SIK3: variants seen among roughly 807,000 people sequenced by gnomAD.
SIK3 encodes the protein SIK family kinase 3, also known as serine/threonine-protein kinase SIK3.
SIK3 carries 28 observed loss-of-function variants against 144.2 expected under a neutral mutation model. The ratio of observed to expected loss-of-function variants is 0.19; its 90% confidence interval spans 0.14 to 0.27. The LOEUF is 0.27. Ranked by LOEUF, SIK3 falls within the 10% of genes least tolerant of loss-of-function variation. SIK3 has a pLI of 1.00. For synonymous variants in SIK3, 686 were observed against 676.3 expected (o/e 1.01, Z -0.22); for missense variants, 1,319 against 1,776.0 (o/e 0.74, Z 4.62).
chr11:117,037,516 G>C (rs149103062), intron 1 of SIK3, among the ~76,000 whole-genome samples: 62 of 152,290 alleles, frequency 4.1e-4, no homozygotes, highest in Middle Eastern at 3.4e-3. Context: ...GAATAGCTGA[G>C]AAAGCTTCAC....
chr11:116,940,451 G>A (rs1948227064), intron 3 of SIK3, among the ~76,000 whole-genome samples: 1 of 151,948 alleles, frequency 6.6e-6, no homozygotes, highest in South Asian at 2.1e-4. Flanking sequence ...GGCTGGTCTT[G>A]AACTCCTGAT....
chr11:117,004,538 G>GTTATTTA (rs1042929682), intron 1 of SIK3, among the ~76,000 whole-genome samples: 3 of 151,940 alleles, frequency 2.0e-5, no homozygotes, highest in African/African-American at 7.3e-5. Context: ...AAAGAACAAC[G>GTTATTTA]TTATTTAGAC....
At chr11:117,036,513 G>A (rs1339564249) in intron 1 of SIK3, among the ~76,000 whole-genome samples, 1 of 152,092 alleles carries the variant, frequency 6.6e-6, no homozygotes, top group Non-Finnish European at 1.5e-5. Context: ...CCCTAAAATT[G>A]TTAGAAGAAA....
intron 1 of SIK3, among the ~76,000 whole-genome samples, chr11:116,965,773 AT>A (rs1949517581): frequency 6.4e-5 from 3 of 46,956 alleles, no homozygotes; most frequent in African/African-American, 1.7e-4. Flanking sequence ...ATATATATAT[AT>A]ATATATATAA....
intron 4 of SIK3, among the ~76,000 whole-genome samples, chr11:116,910,320 GA>G (rs199714572): frequency 1.5e-4 from 22 of 149,330 alleles, no homozygotes; most frequent in Admixed American, 1.1e-3. Context: ...CAGAAAAGAA[GA>G]AAAAAAAACC....
chr11:116,883,796 T>G (rs544695469), intron 6 of SIK3, among the ~76,000 whole-genome samples: 1 of 152,140 alleles, frequency 6.6e-6, no homozygotes, highest in East Asian at 1.9e-4. Flanking sequence ...TAGCCAGGCA[T>G]GGTGGCGTGT....
chr11:117,096,777 G>A (rs866625551), intron 1 of SIK3, among the ~76,000 whole-genome samples: 3 of 152,152 alleles, frequency 2.0e-5, no homozygotes, highest in Non-Finnish European at 4.4e-5. Context: ...CAGGTTGCAA[G>A]TGATCAGGAG....
At chr11:116,851,637 G>A (rs889919393) in intron 21 of SIK3, among the ~76,000 whole-genome samples, 2 of 152,210 alleles carry the variant, frequency 1.3e-5, no homozygotes, top group African/African-American at 4.8e-5. Context: ...GAGCAAAGAG[G>A]TAAAAGGAAC....
chr11:116,947,499 T>G (rs1948710818), intron 3 of SIK3, among the ~76,000 whole-genome samples: 1 of 149,280 alleles, frequency 6.7e-6, no homozygotes, highest in Non-Finnish European at 1.5e-5. Context: ...AGAACACCAT[T>G]TTTTACTTTA....
chr11:116,982,928 T>C (rs1027734888), intron 1 of SIK3, among the ~76,000 whole-genome samples: 9 of 85,948 alleles, frequency 1.0e-4, no homozygotes, highest in Admixed American at 6.9e-4. Flanking sequence ...TGGGTGACGG[T>C]ACGAGACTCC....
chr11:117,079,269 A>G (rs911452563), intron 1 of SIK3, among the ~76,000 whole-genome samples: 18 of 152,234 alleles, frequency 1.2e-4, no homozygotes, highest in African/African-American at 4.3e-4. Flanking sequence ...AGCACACTCA[A>G]TGGATTAGAA....
intron 4 of SIK3, 68 bp from the exon 5 acceptor site, chr11:116,897,385 TCTAGTCA>T (rs1288492187): frequency 7.3e-7 from 1 of 1,374,644 alleles, no homozygotes; most frequent in Non-Finnish European, 1.0e-6. Context: ...AACACTAGTC[TCTAGTCA>T]CTAAAGATTC....
chr11:116,875,923 G>C lies in SIK3; in HGVS notation c.1182C>G (p.Leu394=). 6.2e-7 allele frequency: 1 copy of C among 1,613,084 alleles called. No homozygotes were observed. Among genetic ancestry groups the C allele is most frequent in the Non-Finnish European group, 8.5e-7 (1 of 1,179,790 alleles). Residue 394 remains leucine (L), a synonymous_variant, in exon 9 of 25, where the codon CTC becomes CTG. Transcript: ENST00000445177. ...DRHKRHKTLR[L]GALPSMPRAL... The stretch of plus-strand genomic sequence containing the variant: ...CTCGGGGCATGCTAGGAAGTGCTCC[G>C]AGACGCAGGGTTTTATGTCTCTTAT...
At chr11:116,863,516 A>C in intron 16 of SIK3, 152 bp downstream of exon 16, 1 of 1,162,976 alleles carries the variant, frequency 8.6e-7, no homozygotes, top group Admixed American at 2.3e-5. Flanking sequence ...GGCGGGATCC[A>C]CTGCGCCCGG....
In SIK3 at chr11:116,843,422, A is replaced by T. The variant is rs182351794; in HGVS notation, c.*2221T>A. On this transcript the variant is annotated 3_prime_UTR_variant, in exon 25 of 25. Transcript: ENST00000445177. Reference sequence around the variant, plus strand: ...AGGTCTTAGCAACTTGAGTCTGGAGATTTTTTTTTTAATCCTTTTTAGTTC... The same window carrying T: ...AGGTCTTAGCAACTTGAGTCTGGAGTTTTTTTTTTTAATCCTTTTTAGTTC... The T allele has an allele frequency of 6.5e-4, 99 of 151,256 alleles. No homozygotes were observed. Among genetic ancestry groups the T allele is most frequent in the African/African-American group, 2.3e-3 (96 of 41,320 alleles). 9.4% of individuals were successfully genotyped at this position (151,256 alleles called of 1,614,324 possible).
At chr11:117,077,643 T>A (rs1954610847) in intron 1 of SIK3, among the ~76,000 whole-genome samples, 1 of 152,126 alleles carries the variant, frequency 6.6e-6, no homozygotes, top group Admixed American at 6.6e-5. Context: ...TATCTACTAA[T>A]AAGCTGCTTA....
At chr11:116,921,729 T>C (rs522848) in intron 4 of SIK3, among the ~76,000 whole-genome samples, 9,040 of 152,150 alleles carry the variant, frequency 0.059, 519 homozygotes, top group African/African-American at 0.14. Flanking sequence ...GACAGAAACA[T>C]CTCTTTAAAA....
intron 14 of SIK3, chr11:116,869,549 A>C (rs1260100204): frequency 1.3e-5 from 2 of 152,322 alleles, no homozygotes; most frequent in African/African-American, 2.4e-5. Context: ...TTTTATTTCA[A>C]CTTCCCTCAA....
rs527322475 is a variant in SIK3, at chr11:116,927,059, A to T, written c.616+160T>A. On this transcript the variant is annotated intron_variant, in intron 4 of 24. Coordinates refer to ENST00000445177, the MANE Select transcript of SIK3 (RefSeq NM_001366686.3). ...AGGGCAGGGGAGGGGAAGTACTTTT[A>T]AAGTTTATCAATTTTCAGGCTATTT... 7.4e-4 allele frequency among the ~76,000 whole-genome samples: 110 copies of T among 149,310 alleles called. 1 individual carries two copies. Among genetic ancestry groups the T allele is most frequent in the Middle Eastern group, 3.5e-3 (1 of 286 alleles).
Sources: allele counts gnomAD v4.1 joint callset (sites outside exome capture counted in the v4.1 genomes callset), GRCh38; gene constraint gnomAD v4.1.1; transcripts MANE v1.5; gene names NCBI Gene and HGNC (gene_info 2026-07-23, HGNC 2026-07-21).